Variants in JAKMIP2 observed in about 807,000 individuals in gnomAD.
The protein encoded by JAKMIP2 is janus kinase and microtubule-interacting protein 2.
In JAKMIP2, 25 loss-of-function variants were observed where a neutral mutation model predicts 115.0. The ratio of observed to expected loss-of-function variants is 0.22; its 90% CI spans 0.16 to 0.30. The LOEUF is 0.30. Ranked by LOEUF, JAKMIP2 falls within the 10% of genes least tolerant of loss-of-function variation. JAKMIP2 has a pLI of 1.00. For synonymous variants in JAKMIP2, 334 were observed against 343.6 expected, an observed-to-expected ratio of 0.97 and a Z score of 0.31; for missense variants, 642 against 957.6, an observed-to-expected ratio of 0.67 and a Z score of 4.35.
Position 147,684,997 on chromosome 5 carries a change from C to A in JAKMIP2, c.-148-13043G>T, listed in dbSNP as rs181718008. ...TAGAGAGCACTTAGTGTGTGCTGAC[C>A]ACTGTACAATGCAGCAATTTTTGTG... On this transcript the variant is annotated intron_variant, in intron 1 of 21. Transcript: ENST00000616793. Among the ~76,000 whole-genome samples the A allele has an allele frequency of 1.8e-4, 27 of 152,232 alleles. No homozygotes were observed. The East Asian group carries it at 5.2e-3, about 29-fold the overall frequency.
intron 2 of JAKMIP2, 82 bp from the exon 3 acceptor site, chr5:147,661,527 C>G: frequency 1.5e-6 from 2 of 1,378,300 alleles, no homozygotes; most frequent in African/African-American, 1.4e-5. Context: ...GCAGCTCAGG[C>G]CGCTGTGATC....
intron 2 of JAKMIP2, among the ~76,000 whole-genome samples, chr5:147,667,474 TA>T (rs1759359917): frequency 6.6e-6 from 1 of 152,200 alleles, no homozygotes; most frequent in African/African-American, 2.4e-5. Context: ...AATGTAGGAT[TA>T]AAAATTGGAC....
intron 1 of JAKMIP2, among the ~76,000 whole-genome samples, chr5:147,735,939 T>C (rs1753905685): frequency 6.6e-6 from 1 of 152,142 alleles, no homozygotes; most frequent in Non-Finnish European, 1.5e-5. Flanking sequence ...GGAGTGCAAC[T>C]TGTTACCACT....
At chr5:147,746,147 G>T (rs1028707383) in intron 1 of JAKMIP2, among the ~76,000 whole-genome samples, 1 of 152,114 alleles carries the variant, frequency 6.6e-6, no homozygotes. Flanking sequence ...GAAAGAACTG[G>T]ACTTTTGCAT....
intron 1 of JAKMIP2, among the ~76,000 whole-genome samples, chr5:147,770,512 T>G (rs1755312666): frequency 6.6e-6 from 1 of 152,120 alleles, no homozygotes; most frequent in African/African-American, 2.4e-5. Context: ...TAATTCCTAT[T>G]TACTGTAAAC....
intron 1 of JAKMIP2, among the ~76,000 whole-genome samples, chr5:147,714,247 T>C (rs1017402137): frequency 2.0e-5 from 3 of 152,152 alleles, no homozygotes; most frequent in African/African-American, 7.2e-5. Context: ...CATGAAAAAT[T>C]TGAAAGGCAA....
chr5:147,620,382 C>T (rs1190915129), intron 18 of JAKMIP2, among the ~76,000 whole-genome samples: 4 of 152,100 alleles, frequency 2.6e-5, no homozygotes, highest in Non-Finnish European at 5.9e-5. Context: ...CCCAAAAGTG[C>T]TGGGATTACA....
intron 1 of JAKMIP2, among the ~76,000 whole-genome samples, chr5:147,744,973 G>A (rs1293738686): frequency 4.0e-5 from 6 of 150,896 alleles, no homozygotes; most frequent in African/African-American, 1.2e-4. Flanking sequence ...CAGGAGAATC[G>A]CTTGAACCGG....
chr5:147,673,403 C>G (rs1759743117), intron 1 of JAKMIP2, among the ~76,000 whole-genome samples: 1 of 152,154 alleles, frequency 6.6e-6, no homozygotes, highest in Non-Finnish European at 1.5e-5. Context: ...GTTCCGGCAG[C>G]TGCTGCTCTC....
intron 1 of JAKMIP2, among the ~76,000 whole-genome samples, chr5:147,690,542 TA>T (rs1561540622): frequency 0.012 from 21 of 1,740 alleles, no homozygotes; most frequent in African/African-American, 0.02. Context: ...AAAGAGATTA[TA>T]TATATATATA....
At chr5:147,655,717 A>T (rs1758641895) in intron 3 of JAKMIP2, among the ~76,000 whole-genome samples, 1 of 151,588 alleles carries the variant, frequency 6.6e-6, no homozygotes, top group Non-Finnish European at 1.5e-5. Flanking sequence ...GATCTTAGCT[A>T]TTTCTTGTCT....
At position 147,707,365 on chromosome 5, in the gene JAKMIP2, G is replaced by A. The variant is rs192567196; in HGVS notation, c.-148-35411C>T. ...AAAGTCCAGCTATTTTAGCCTCAGC[G>A]TAAGCACCATATCTGTTAAAAGTTG... On this transcript the variant is annotated intron_variant, in intron 1 of 21. Coordinates refer to ENST00000616793, the MANE Select transcript of JAKMIP2 (RefSeq NM_001270941.2). Among the ~76,000 whole-genome samples the A allele has an allele frequency of 1.4e-3, 220 of 152,138 alleles. 3 individuals are homozygous for A. The highest frequency in any genetic ancestry group is 4.5e-3 in the African/African-American group (185 of 41,494).
rs1435311344 is a variant in JAKMIP2 at position 147,591,450 on chromosome 5, A to T, written c.*257T>A. On this transcript the variant is annotated 3_prime_UTR_variant, in exon 22 of 22. Transcript: ENST00000616793. The stretch of plus-strand genomic sequence containing the variant: ...ATATGTTTATAGTTCTTCTCTTCTG[A>T]TTTGACATATACATGTTTCATTAAA... 4 of 540,582 alleles carry T rather than the reference A, an allele frequency of 7.4e-6. No homozygotes were observed. The highest frequency in any genetic ancestry group is 1.3e-5 in the Non-Finnish European group (4 of 302,702). 33.5% of individuals were successfully genotyped at this position (540,582 alleles called of 1,614,324 possible).
intron 1 of JAKMIP2, among the ~76,000 whole-genome samples, chr5:147,775,829 C>T (rs940775112): frequency 5.9e-5 from 9 of 152,138 alleles, no homozygotes; most frequent in African/African-American, 2.2e-4. Flanking sequence ...ATTGAGTATG[C>T]ATTTTGTACC....
At chr5:147,749,182 C>CAAA (rs1754460149) in intron 1 of JAKMIP2, among the ~76,000 whole-genome samples, 1 of 151,702 alleles carries the variant, frequency 6.6e-6, no homozygotes, top group African/African-American at 2.4e-5. Flanking sequence ...GCAATATAGA[C>CAAA]AAACTGGTTG....
At chr5:147,595,359 T>A (rs1755314486) in intron 21 of JAKMIP2, 9 of 442,558 alleles carry the variant, frequency 2.0e-5, no homozygotes, top group South Asian at 1.4e-4. Context: ...TAGTGCCTTA[T>A]GAAAGAGCTG....
At chr5:147,726,199 G>T (rs921105905) in intron 1 of JAKMIP2, among the ~76,000 whole-genome samples, 1 of 152,220 alleles carries the variant, frequency 6.6e-6, no homozygotes, top group Non-Finnish European at 1.5e-5. Context: ...GTGGATCAAA[G>T]ATGACAAGGC....
chr5:147,719,653 A>C (rs916073021), intron 1 of JAKMIP2, among the ~76,000 whole-genome samples: 16 of 151,496 alleles, frequency 1.1e-4, no homozygotes, highest in South Asian at 6.3e-4. Flanking sequence ...CTGTTTTATC[A>C]GAGACTAGGA....
chr5:147,675,721 T>A (rs916585711), intron 1 of JAKMIP2, among the ~76,000 whole-genome samples: 1 of 151,858 alleles, frequency 6.6e-6, no homozygotes, highest in Non-Finnish European at 1.5e-5. Flanking sequence ...GTTTTGTCTC[T>A]ACTTAGTTTT....
Sources: gnomAD v4.1 joint callset for allele counts (sites outside exome capture counted in the v4.1 genomes callset) on GRCh38, gnomAD v4.1.1 for gene constraint, MANE v1.5 for transcripts, NCBI Gene and HGNC (gene_info 2026-07-23, HGNC 2026-07-21) for gene names.